The following PDE4D variants were observed in gnomAD, a reference collection of about 807,000 sequenced individuals.
PDE4D encodes the protein phosphodiesterase 4D, also known as 3',5'-cyclic-AMP phosphodiesterase 4D.
Under a neutral mutation model 87.4 loss-of-function variants are expected in PDE4D, and 24 were observed. That is an observed-to-expected ratio of 0.27 (90% CI 0.20 to 0.39). PDE4D has a LOEUF of 0.39. Among genes scored for constraint, PDE4D ranks in the 10% least tolerant of loss-of-function variants. The pLI, the probability that PDE4D is intolerant of heterozygous loss-of-function variation, is 1.00. For missense variants in PDE4D, 714 were observed against 1,041.0 expected (o/e 0.69, Z 4.32); for synonymous variants, 384 against 383.2 (o/e 1.00, Z -0.02).
chr5:59,357,062 T>C (rs1174202764), intron 1 of PDE4D: 6 of 459,608 alleles, frequency 1.3e-5, no homozygotes, highest in Non-Finnish European at 2.2e-5. Flanking sequence ...CACTTGGCCT[T>C]TGCGACAGAG....
chr5:60,258,324 C>T (rs971604288), intron 1 of PDE4D, among the ~76,000 whole-genome samples: 12 of 151,768 alleles, frequency 7.9e-5, no homozygotes, highest in African/African-American at 2.9e-4. Flanking sequence ...CATAAATGGA[C>T]CATTCACAAA....
chr5:59,657,225 G>A (rs1744509862), intron 1 of PDE4D, among the ~76,000 whole-genome samples: 1 of 152,178 alleles, frequency 6.6e-6, no homozygotes. Context: ...GCTATGTTAT[G>A]AATACTGTTA....
intron 1 of PDE4D, among the ~76,000 whole-genome samples, chr5:59,445,624 G>A (rs926219386): frequency 6.6e-5 from 10 of 152,188 alleles, no homozygotes; most frequent in Non-Finnish European, 2.9e-5. Context: ...TTAACAGAAT[G>A]TAGCCTTTTT....
chr5:59,548,789 C>T (rs1027466867), intron 1 of PDE4D, among the ~76,000 whole-genome samples: 2 of 152,090 alleles, frequency 1.3e-5, no homozygotes, highest in African/African-American at 4.8e-5. Flanking sequence ...AATAGTAAGT[C>T]TCAGCTCTGC....
intron 1 of PDE4D, among the ~76,000 whole-genome samples, chr5:59,355,459 C>CTA (rs1781231442): frequency 1.3e-5 from 2 of 152,066 alleles, no homozygotes; most frequent in Non-Finnish European, 2.9e-5. Context: ...TGGAAATATG[C>CTA]ACAGTAATGT....
intron 1 of PDE4D, among the ~76,000 whole-genome samples, chr5:60,510,706 A>G (rs1206009045): frequency 6.6e-6 from 1 of 152,194 alleles, no homozygotes; most frequent in Non-Finnish European, 1.5e-5. Flanking sequence ...GCTGTCTATG[A>G]ATGTGTGAAT....
chr5:59,026,618 G>A (rs929773358), intron 6 of PDE4D, among the ~76,000 whole-genome samples: 2 of 151,982 alleles, frequency 1.3e-5, no homozygotes, highest in Non-Finnish European at 2.9e-5. Context: ...TAAGAGTTAA[G>A]AGAATTACAA....
At chr5:59,545,303 T>C (rs1372391856) in intron 1 of PDE4D, among the ~76,000 whole-genome samples, 8 of 152,012 alleles carry the variant, frequency 5.3e-5, no homozygotes, top group Admixed American at 2.6e-4. Context: ...TCAGCAACAG[T>C]GCTGGGTTTT....
chr5:58,992,147 T>C, intron 7 of PDE4D, 143 bp from the exon 8 acceptor site: 1 of 482,496 alleles, frequency 2.1e-6, no homozygotes, highest in East Asian at 3.4e-5. Flanking sequence ...GAGAGTTCAG[T>C]ATTTACATTT....
intron 2 of PDE4D, among the ~76,000 whole-genome samples, chr5:60,031,767 AAG>A (rs894897838): frequency 1.3e-5 from 2 of 152,188 alleles, no homozygotes; most frequent in Non-Finnish European, 2.9e-5. Context: ...TAATAAGAGA[AAG>A]AGAGAGGGAG....
At chr5:60,314,498 T>G (rs1583391176) in intron 1 of PDE4D, among the ~76,000 whole-genome samples, 1 of 152,176 alleles carries the variant, frequency 6.6e-6, no homozygotes, top group African/African-American at 2.4e-5. Flanking sequence ...TTTTTATTAT[T>G]ATTATACTTT....
intron 5 of PDE4D, among the ~76,000 whole-genome samples, chr5:59,128,935 C>T (rs1775896707): frequency 6.6e-6 from 1 of 152,188 alleles, no homozygotes; most frequent in African/African-American, 2.4e-5. Flanking sequence ...TCATGCTTTA[C>T]TCAAGGTCAT....
At chr5:60,266,499 T>C (rs932815126) in intron 1 of PDE4D, among the ~76,000 whole-genome samples, 4 of 152,192 alleles carry the variant, frequency 2.6e-5, no homozygotes, top group African/African-American at 9.6e-5. Context: ...CCTATTACCA[T>C]TGGCAGCTTC....
chr5:59,338,141 C>T (rs973186717), intron 1 of PDE4D, among the ~76,000 whole-genome samples: 1 of 152,166 alleles, frequency 6.6e-6, no homozygotes, highest in Admixed American at 6.5e-5. Flanking sequence ...TGTTGCCTCC[C>T]GTGATAATAT....
At chr5:59,650,304 C>T (rs564944305) in intron 1 of PDE4D, among the ~76,000 whole-genome samples, 17 of 152,162 alleles carry the variant, frequency 1.1e-4, no homozygotes, top group Admixed American at 3.3e-4. Flanking sequence ...AAAAGAATTG[C>T]TCTTTTAGTC....
chr5:59,430,236 A>G (rs1319356816), intron 1 of PDE4D: 1 of 1,227,572 alleles, frequency 8.1e-7, no homozygotes, highest in Admixed American at 4.2e-5. Context: ...AGCAGTTACC[A>G]AAGGGCAACA....
rs34720711 is a variant in PDE4D, at chr5:60,279,684, C to CTT, written c.-89-93999_-89-93998dup. Among the ~76,000 whole-genome samples, 561 of 138,620 alleles carry CTT rather than the reference C, an allele frequency of 4.0e-3. 3 individuals carry two copies. The highest frequency in any genetic ancestry group is 0.013 in the African/African-American group (494 of 37,352). 90.9% of individuals were successfully genotyped at this position (138,620 alleles called of 152,430 possible). On this transcript the variant is annotated intron_variant, in intron 1 of 16. Coordinates refer to the PDE4D transcript ENST00000502484. ...ATTGGTATTTTTGTGTTGTTGATTT[C>CTT]TTTTTTTTTTTTTTTCTTGAGACAG...
At chr5:59,818,039 G>A (rs1261362973) in intron 1 of PDE4D, among the ~76,000 whole-genome samples, 3 of 152,196 alleles carry the variant, frequency 2.0e-5, no homozygotes, top group African/African-American at 7.2e-5. Flanking sequence ...ACACTCTGAG[G>A]AGGGACATTG....
At chr5:59,613,655 T>G (rs295971) in intron 1 of PDE4D, among the ~76,000 whole-genome samples, 131,568 of 152,098 alleles carry the variant, frequency 0.87, 56,936 homozygotes, top group South Asian at 0.93. Flanking sequence ...GGGAAGAGAG[T>G]TGTCTTCTCT....
Sources: allele counts gnomAD v4.1 joint callset (sites outside exome capture counted in the v4.1 genomes callset), GRCh38; gene constraint gnomAD v4.1.1; transcripts MANE v1.5; gene names NCBI Gene and HGNC (gene_info 2026-07-23, HGNC 2026-07-21).